Variants in ESR2 observed in about 807,000 individuals in gnomAD.
ESR2 encodes estrogen receptor 2.
Under a neutral mutation model 49.6 loss-of-function variants are expected in ESR2, and 36 were observed. That is an observed-to-expected ratio of 0.73 (90% CI 0.56 to 0.96). The LOEUF is 0.96. ESR2 is among the 40% of genes least tolerant of loss of function. The pLI is 0.00. For missense variants in ESR2, 714 were observed against 693.0 expected (o/e 1.03, Z -0.34); for synonymous variants, 320 against 266.1 (o/e 1.20, Z -1.97).
Position 64,282,704 on chromosome 14 carries a change from C to G in ESR2, c.282G>C (p.Gln94His), listed in dbSNP as rs770698509. Reference sequence around the variant, plus strand: ...GAGGTTCCGCATACAGATGTGATAACTGGCGATGGACCACTAAAGGAGAAA... The same window carrying G: ...GAGGTTCCGCATACAGATGTGATAAGTGGCGATGGACCACTAAAGGAGAAA... ...GHLSPLVVHR[Q>H]LSHLYAEPQK... Residue 94 changes from glutamine to histidine, a missense_variant, in exon 2 of 9, where the codon CAG (glutamine) becomes CAC (histidine). By Grantham distance (24) the Gln-to-His change is conservative. Coordinates refer to ENST00000341099, the MANE Select transcript of ESR2 (RefSeq NM_001437.3). 3.1e-6 allele frequency: 5 copies of G among 1,614,188 alleles called. No individual in the cohort carries two copies. The South Asian group carries it at 5.5e-5, about 18-fold the overall frequency.
chr14:64,236,957 C>CTT (rs34618726), intron 7 of ESR2, among the ~76,000 whole-genome samples: 5 of 145,804 alleles, frequency 3.4e-5, no homozygotes, highest in East Asian at 2.0e-4. Context: ...GGGCACAGAC[C>CTT]TTTTTTTTTT....
At chr14:64,317,477 T>C (rs113079433) in intron 1 of ESR2, among the ~76,000 whole-genome samples, 3 of 151,922 alleles carry the variant, frequency 2.0e-5, no homozygotes, top group Non-Finnish European at 4.4e-5. Flanking sequence ...AGAAGCAAGA[T>C]AGAGAGACAG....
intron 1 of ESR2, among the ~76,000 whole-genome samples, chr14:64,308,807 CTCACCTGT>C (rs1215009368): frequency 6.6e-6 from 1 of 151,646 alleles, no homozygotes; most frequent in Non-Finnish European, 1.5e-5. Context: ...GAGACAGAGT[CTCACCTGT>C]CACCCAGGCT....
chr14:64,260,294 G>A (rs949597319), intron 5 of ESR2, 155 bp downstream of exon 5: 4 of 819,652 alleles, frequency 4.9e-6, no homozygotes, highest in Non-Finnish European at 8.8e-6. Flanking sequence ...ACAGAAGGAA[G>A]GAACATATTG....
At chr14:64,260,015 G>A (rs1354891569) in intron 5 of ESR2, among the ~76,000 whole-genome samples, 1 of 152,148 alleles carries the variant, frequency 6.6e-6, no homozygotes, top group African/African-American at 2.4e-5. Flanking sequence ...CCAGAGCCTA[G>A]GTAGGTTCCC....
intron 3 of ESR2, among the ~76,000 whole-genome samples, chr14:64,273,338 C>T (rs1469915381): frequency 6.6e-6 from 1 of 151,994 alleles, no homozygotes; most frequent in African/African-American, 2.4e-5. Flanking sequence ...CTAGGACTTC[C>T]AGTACTATGT....
At position 64,282,772 on chromosome 14, in the gene ESR2, G is replaced by A. The variant is rs1463893698; in HGVS notation, c.214C>T (p.Gln72Ter). Residue 72 changes from glutamine to a stop codon, truncating the protein, a stop_gained, in exon 2 of 9, where the codon CAG becomes TAG. Coordinates refer to ENST00000341099, the MANE Select transcript of ESR2 (RefSeq NM_001437.3). LOFTEE classifies it high-confidence loss of function. ...CACAACACATTTGGGCTTGTGGTCT[G>A]CCGACCAGGCCCACCTTCCAAGTTA... is the stretch of plus-strand genomic sequence containing the variant. The part of the protein sequence containing the change: ...VTNLEGGPGR[Q>*]TTSPNVLWPT... The A allele has an allele frequency of 6.2e-7, 1 of 1,614,244 alleles. No homozygotes were observed. Among genetic ancestry groups the A allele is most frequent in the Non-Finnish European group, 8.5e-7 (1 of 1,180,038 alleles).
chr14:64,240,065 C>T (rs1158440498), intron 7 of ESR2, among the ~76,000 whole-genome samples: 1 of 152,186 alleles, frequency 6.6e-6, no homozygotes, highest in African/African-American at 2.4e-5. Context: ...AGTTAATTTC[C>T]ATTCCATATT....
intron 1 of ESR2, among the ~76,000 whole-genome samples, chr14:64,301,811 G>A (rs1373946278): frequency 2.0e-5 from 3 of 152,236 alleles, no homozygotes; most frequent in East Asian, 3.9e-4. Flanking sequence ...TTGCTGTAAC[G>A]TGCCTGACAC....
In ESR2 at chr14:64,228,393, G is replaced by A. The variant is rs150487943; in HGVS notation, c.*4744C>T. 4.7e-3 allele frequency among the ~76,000 whole-genome samples: 723 copies of A among 152,240 alleles called. 7 individuals carry two copies. The highest frequency in any genetic ancestry group is 0.016 in the African/African-American group (679 of 41,528). ...TACGACAGTGCCATAGACATTAAAG[G>A]GACACAGTAAGGAAAACACTCCCTG... On this transcript the variant is annotated 3_prime_UTR_variant, in exon 9 of 9. Coordinates refer to ENST00000341099, the MANE Select transcript of ESR2 (RefSeq NM_001437.3).
chr14:64,235,270 G>T, intron 7 of ESR2, 120 bp from the exon 8 acceptor site: 1 of 1,000,404 alleles, frequency 1.0e-6, no homozygotes, highest in African/African-American at 1.6e-5. Context: ...CTGCATGTGT[G>T]GCAGGAGCTT....
At chr14:64,330,218 T>C (rs1173427613) in intron 1 of ESR2, 2 of 152,126 alleles carry the variant, frequency 1.3e-5, no homozygotes, top group Non-Finnish European at 2.9e-5. Context: ...TCACCTGAGT[T>C]TGGGAATTTG....
chr14:64,264,876 C>CAAAAAA (rs5809224), intron 4 of ESR2, among the ~76,000 whole-genome samples: 3 of 119,332 alleles, frequency 2.5e-5, no homozygotes, highest in Non-Finnish European at 1.8e-5. Flanking sequence ...TACCCTGTCT[C>CAAAAAA]AAAAAAAAAA....
At chr14:64,247,343 AC>A (rs2075883996) in intron 7 of ESR2, among the ~76,000 whole-genome samples, 1 of 151,840 alleles carries the variant, frequency 6.6e-6, no homozygotes, top group African/African-American at 2.4e-5. Flanking sequence ...AAACAAACAA[AC>A]AAACAAAAAA....
intron 7 of ESR2, among the ~76,000 whole-genome samples, chr14:64,235,615 C>T (rs1298017105): frequency 6.6e-6 from 1 of 152,228 alleles, no homozygotes; most frequent in African/African-American, 2.4e-5. Context: ...GTGTGTACCA[C>T]GTGCCGCAGC....
intron 1 of ESR2, among the ~76,000 whole-genome samples, chr14:64,326,223 G>A (rs1389400260): frequency 6.6e-6 from 1 of 152,034 alleles, no homozygotes; most frequent in Non-Finnish European, 1.5e-5. Context: ...ACCCCCAACA[G>A]ACTTCTATAA....
intron 1 of ESR2, among the ~76,000 whole-genome samples, chr14:64,324,852 A>T (rs571856256): frequency 5.9e-5 from 9 of 152,366 alleles, no homozygotes; most frequent in African/African-American, 2.2e-4. Flanking sequence ...CTGATACACA[A>T]TAGTAAGACA....
Position 64,235,118 on chromosome 14 carries a change from C to A in ESR2, c.1258G>T (p.Ala420Ser). 6.2e-7 allele frequency: 1 copy of A among 1,614,032 alleles called. No individual in the cohort carries two copies. The highest frequency in any genetic ancestry group is 8.5e-7 in the Non-Finnish European group (1 of 1,180,032). The change falls in exon 8 of 9, where the codon GCT becomes TCT. Residue 420 changes from alanine to serine, a missense_variant. Physicochemically the swap from Ala to Ser is moderately conservative, Grantham distance 99. Transcript: ENST00000341099. Reference protein sequence around the residue: ...MYPLVTATQDADSSRKLAHLL... With the variant: ...MYPLVTATQDSDSSRKLAHLL... ...TGAGCCAGCTTCCGGCTGCTGTCAG[C>A]ATCCTGGGTCGCTGTGACCAGAGGG...
intron 7 of ESR2, among the ~76,000 whole-genome samples, chr14:64,239,262 A>G (rs540705444): frequency 6.6e-6 from 1 of 152,258 alleles, no homozygotes; most frequent in South Asian, 2.1e-4. Flanking sequence ...TGGTCAACAG[A>G]AAAGGACCCC....
Sources: allele counts gnomAD v4.1 joint callset (sites outside exome capture counted in the v4.1 genomes callset), GRCh38; gene constraint gnomAD v4.1.1; transcripts MANE v1.5; gene names NCBI Gene and HGNC (gene_info 2026-07-23, HGNC 2026-07-21).